Variants in ZNF740 observed in about 807,000 individuals in gnomAD.
ZNF740 encodes the protein zinc finger protein 740, also known as oriLyt TD-element-binding protein 7.
A neutral mutation model predicts 24.8 loss-of-function variants in ZNF740; 14 were observed. The observed-to-expected ratio is 0.56, with a 90% CI of 0.37 to 0.88. The LOEUF is 0.88. Among genes scored for constraint, ZNF740 ranks in the 40% least tolerant of loss-of-function variants. The pLI is 0.00. For missense variants in ZNF740, 201 were observed against 247.9 expected (o/e 0.81, Z 1.27); for synonymous variants, 69 against 84.0 (o/e 0.82, Z 0.98).
chr12:53,182,618 T>C (rs1490202259), intron 2 of ZNF740, among the ~76,000 whole-genome samples: 1 of 152,064 alleles, frequency 6.6e-6, no homozygotes, highest in African/African-American at 2.4e-5. Context: ...AGGATTTTGC[T>C]AAACAAGCGA....
intron 2 of ZNF740, among the ~76,000 whole-genome samples, chr12:53,182,859 A>G (rs377526712): frequency 1.3e-3 from 196 of 152,322 alleles, no homozygotes; most frequent in African/African-American, 4.5e-3. Context: ...GCAGAGTAGC[A>G]TCAGATCAGT....
chr12:53,193,739 C>T lies in ZNF740; in HGVS notation c.*6149C>T. On this transcript the variant is annotated 3_prime_UTR_variant, in exon 7 of 7. Coordinates refer to ENST00000416904, the MANE Select transcript of ZNF740 (RefSeq NM_001004304.4). ...ACACCACATTGTAGGTGTCCCTGGCCATCACTGCAGTGGGGAGCCTGGGGC... is the reference window on the plus strand; with the variant it reads ...ACACCACATTGTAGGTGTCCCTGGCTATCACTGCAGTGGGGAGCCTGGGGC... 1 of 1,613,596 alleles carries T rather than the reference C, an allele frequency of 6.2e-7. No individual in the cohort carries two copies. The highest frequency in any genetic ancestry group is 8.5e-7 in the Non-Finnish European group (1 of 1,179,802).
At position 53,192,853 on chromosome 12, in the gene ZNF740, G is replaced by C. The variant is rs761872611; in HGVS notation, c.*5263G>C. On this transcript the variant is annotated 3_prime_UTR_variant, in exon 7 of 7. Coordinates refer to ENST00000416904, the MANE Select transcript of ZNF740 (RefSeq NM_001004304.4). ...GTCCATGTCCCCACTGCATTCGCAT[G>C]CTCTGCCCGTGCGGTTGGCATGACA... The C allele has an allele frequency of 1.7e-5, 28 of 1,614,212 alleles. No homozygotes were observed. The South Asian group carries it at 2.7e-4, about 16-fold the overall frequency.
chr12:53,183,479 G>A (rs940650139), intron 2 of ZNF740, among the ~76,000 whole-genome samples: 3 of 152,072 alleles, frequency 2.0e-5, no homozygotes, highest in African/African-American at 7.2e-5. Context: ...GCTGACCAAC[G>A]ATTTCTTAAA....
At position 53,191,170 on chromosome 12, in the gene ZNF740, G is replaced by A. The variant is rs1414548659; in HGVS notation, c.*3580G>A. ...TCCAGACCTGGCTTCCTGGGTCCCAGGGTGCACCCCGGGAGTTTCCTGCAC... is the reference window on the plus strand; with the variant it reads ...TCCAGACCTGGCTTCCTGGGTCCCAAGGTGCACCCCGGGAGTTTCCTGCAC... On this transcript the variant is annotated 3_prime_UTR_variant, in exon 7 of 7. Transcript: ENST00000416904. 1 of 264,850 alleles carries A rather than the reference G, an allele frequency of 3.8e-6. No individual in the cohort carries two copies. Among genetic ancestry groups the A allele is most frequent in the Non-Finnish European group, 7.5e-6 (1 of 133,762 alleles). The allele number at this position is 264,850 out of a possible 1,614,324, so 16.4% of individuals were successfully genotyped here. A position where few individuals can be genotyped will look rare whatever the true frequency, so the allele number is the denominator to read the frequency against.
intron 6 of ZNF740, among the ~76,000 whole-genome samples, chr12:53,186,951 T>C (rs1427140203): frequency 2.0e-5 from 3 of 152,116 alleles, no homozygotes; most frequent in South Asian, 2.1e-4. Flanking sequence ...ATCTTTGCCC[T>C]GGGGGTCAGT....
chr12:53,187,559 C>T lies in ZNF740; in HGVS notation c.551C>T (p.Ser184Phe). ...AAACGGATGTGCCAAGGGTGCCAGTCCAAGACTTCCGACGGGCAGTTTTCT... is the reference window on the plus strand; with the variant it reads ...AAACGGATGTGCCAAGGGTGCCAGTTCAAGACTTCCGACGGGCAGTTTTCT... ...RHKRMCQGCQ[S>F]KTSDGQFSL Residue 184 changes from serine (S) to phenylalanine (F), a missense_variant, in exon 7 of 7, where the codon TCC becomes TTC. This residue lies in a region of ZNF740 where 24 missense variants were observed against 17.8 expected (regional missense o/e 1.35). Coordinates refer to ENST00000416904, the MANE Select transcript of ZNF740 (RefSeq NM_001004304.4). The T allele has an allele frequency of 6.2e-7, 1 of 1,614,010 alleles. No individual in the cohort carries two copies. Among genetic ancestry groups the T allele is most frequent in the Non-Finnish European group, 8.5e-7 (1 of 1,179,888 alleles).
intron 1 of ZNF740, chr12:53,181,232 G>A (rs1941614680): frequency 2.0e-6 from 2 of 985,344 alleles, no homozygotes; most frequent in Non-Finnish European, 2.4e-6. Context: ...CTACCTTCGG[G>A]CGGACGGGGA....
chr12:53,191,811 G>A lies in ZNF740; in HGVS notation c.*4221G>A. 8 of 1,609,734 alleles carry A rather than the reference G, an allele frequency of 5.0e-6. No individual in the cohort carries two copies. Among genetic ancestry groups the A allele is most frequent in the Non-Finnish European group, 5.9e-6 (7 of 1,176,668 alleles). ...AGTGGGAGGAATCAGGGCTGGTCTT[G>A]TGGTGGGGGAACAGCTAAAAAGGGG... On this transcript the variant is annotated 3_prime_UTR_variant, in exon 7 of 7. Transcript: ENST00000416904.
Position 53,184,148 on chromosome 12 carries a change from TGTGCGCGC to T in ZNF740, c.10-741_10-734del, listed in dbSNP as rs1301756974. Among the ~76,000 whole-genome samples the T allele has an allele frequency of 1.8e-3, 180 of 100,396 alleles. 2 individuals carry two copies. Among genetic ancestry groups the T allele is most frequent in the African/African-American group, 6.4e-3 (166 of 26,034 alleles). The allele number at this position is 100,396 out of a possible 152,430, so 65.9% of individuals were successfully genotyped here. A position where few individuals can be genotyped will look rare whatever the true frequency, so the allele number is the denominator to read the frequency against. ...GTGTGTGTGTGTGTGTGTGTGTGTG[TGTGCGCGC>T]GCGCGCTCTGAAGCTAAGGGGTGTG... On this transcript the variant is annotated intron_variant, in intron 2 of 6. Coordinates refer to ENST00000416904, the MANE Select transcript of ZNF740 (RefSeq NM_001004304.4).
chr12:53,183,742 A>G (rs920575554), intron 2 of ZNF740, among the ~76,000 whole-genome samples: 1 of 152,204 alleles, frequency 6.6e-6, no homozygotes, highest in African/African-American at 2.4e-5. Flanking sequence ...TAGGGAGTTT[A>G]AAATCTAAAG....
intron 1 of ZNF740, chr12:53,181,113 C>G: frequency 1.0e-6 from 1 of 961,946 alleles, no homozygotes; most frequent in African/African-American, 1.8e-5. Flanking sequence ...CTCTCCGGCT[C>G]TGCTCCCGGT....
intron 2 of ZNF740, among the ~76,000 whole-genome samples, chr12:53,182,612 T>C (rs74088982): frequency 0.092 from 14,035 of 151,944 alleles, 1,550 homozygotes; most frequent in African/African-American, 0.26. Flanking sequence ...ATGCATAGGA[T>C]TTTGCTAAAC....
At position 53,193,907 on chromosome 12, in the gene ZNF740, A is replaced by T. The variant is rs1484817390; in HGVS notation, c.*6317A>T. The T allele has an allele frequency of 3.1e-6, 5 of 1,609,790 alleles. No homozygotes were observed. The highest frequency in any genetic ancestry group is 4.2e-6 in the Non-Finnish European group (5 of 1,177,750). On this transcript the variant is annotated 3_prime_UTR_variant, in exon 7 of 7. Transcript: ENST00000416904. The stretch of plus-strand genomic sequence containing the variant: ...AGAGAAACCCAGAAAGTCACCTGAG[A>T]AGAGGCAGGAATCAGGCCATGGTTA...
chr12:53,193,576 G>A lies in ZNF740; in HGVS notation c.*5986G>A, dbSNP rs982228272. On this transcript the variant is annotated 3_prime_UTR_variant, in exon 7 of 7. Coordinates refer to ENST00000416904, the MANE Select transcript of ZNF740 (RefSeq NM_001004304.4). ...CTGGACATACATGGGAAGCTTCAAG[G>A]GATGAAACTGAGTGGGGAGTCGGGA... The A allele has an allele frequency of 2.3e-6, 2 of 864,750 alleles. No homozygotes were observed. Among genetic ancestry groups the A allele is most frequent in the East Asian group, 5.4e-5 (2 of 37,366 alleles). The allele number at this position is 864,750 out of a possible 1,614,324, so 53.6% of individuals were successfully genotyped here.
rs959491479 is a variant in ZNF740 at position 53,192,260 on chromosome 12, A to G, written c.*4670A>G. 6.0e-6 allele frequency: 9 copies of G among 1,498,700 alleles called. No homozygotes were observed. The highest frequency in any genetic ancestry group is 7.4e-6 in the Non-Finnish European group (8 of 1,081,878). 92.8% of individuals were successfully genotyped at this position (1,498,700 alleles called of 1,614,324 possible). ...CCCCAGCCTGTTTCCCATTATCTTC[A>G]CTCTGCATCCCCAGAGTTGAGACCC... On this transcript the variant is annotated 3_prime_UTR_variant, in exon 7 of 7. Transcript: ENST00000416904.
At chr12:53,185,806 C>A in intron 4 of ZNF740, 148 bp from the exon 5 acceptor site, 1 of 1,114,990 alleles carries the variant, frequency 9.0e-7, no homozygotes, top group Non-Finnish European at 1.3e-6. Flanking sequence ...GGGTCTCTTA[C>A]CTCCATGGAG....
At position 53,185,299 on chromosome 12, in the gene ZNF740, C is replaced by A. The variant is rs1457019631; in HGVS notation, c.160-88C>A. The stretch of plus-strand genomic sequence containing the variant: ...GCTTTCGGGGCAGGTGGTTTACTCT[C>A]ATTTATGAATTTTGTCTGAGAGCTG... On this transcript the variant is annotated intron_variant, in intron 3 of 6. Transcript: ENST00000416904. 3 of 1,419,108 alleles carry A rather than the reference C, an allele frequency of 2.1e-6. No individual in the cohort carries two copies. In the South Asian group the frequency reaches 3.7e-5, roughly 17 times the overall value. The allele number at this position is 1,419,108 out of a possible 1,614,324, so 87.9% of individuals were successfully genotyped here.
Position 53,184,176 on chromosome 12 carries a change from G to GGTGT in ZNF740, c.10-693_10-690dup, listed in dbSNP as rs143795685. Among the ~76,000 whole-genome samples the GGTGT allele has an allele frequency of 4.7e-3, 605 of 128,116 alleles. 10 individuals carry two copies. Among genetic ancestry groups the GGTGT allele is most frequent in the African/African-American group, 0.012 (364 of 31,102 alleles). The allele number at this position is 128,116 out of a possible 152,430, so 84.0% of individuals were successfully genotyped here. A position where few individuals can be genotyped will look rare whatever the true frequency, so the allele number is the denominator to read the frequency against. ...GCGCGCGCGCGCTCTGAAGCTAAGG[G>GGTGT]GTGTGTGTGTGTGTGTGTGTGTGTG... On this transcript the variant is annotated intron_variant, in intron 2 of 6. Coordinates refer to ENST00000416904, the MANE Select transcript of ZNF740 (RefSeq NM_001004304.4).
Sources: allele counts gnomAD v4.1 joint callset (sites outside exome capture counted in the v4.1 genomes callset), GRCh38; gene constraint gnomAD v4.1.1; regional missense constraint gnomAD v4.1.1; transcripts MANE v1.5; gene names NCBI Gene and HGNC (gene_info 2026-07-23, HGNC 2026-07-21).